AZGP1: variants seen among roughly 807,000 people sequenced by gnomAD.
AZGP1 encodes zinc-alpha-2-glycoprotein.
AZGP1 carries 28 observed loss-of-function variants against 31.5 expected under a neutral mutation model. That is an observed-to-expected ratio of 0.89 (90% CI 0.66 to 1.22). The LOEUF is 1.22. AZGP1 is among the 50% of genes most tolerant of loss of function. The pLI is 0.00. For synonymous variants in AZGP1, 135 were observed against 145.4 expected (o/e 0.93, Z 0.51); for missense variants, 361 against 371.8 (o/e 0.97, Z 0.24).
intron 1 of AZGP1, among the ~76,000 whole-genome samples, chr7:99,973,553 G>A (rs1324525091): frequency 6.6e-6 from 1 of 151,964 alleles, no homozygotes; most frequent in Admixed American, 6.6e-5. Context: ...TTGGGAGGGT[G>A]GTTAATGGGT....
At chr7:99,969,324 G>T (rs534232037) in intron 2 of AZGP1, among the ~76,000 whole-genome samples, 1 of 151,398 alleles carries the variant, frequency 6.6e-6, no homozygotes. Flanking sequence ...CAGGAGAATC[G>T]CTTGAACCTG....
At chr7:99,975,356 C>T (rs1161109563) in intron 1 of AZGP1, among the ~76,000 whole-genome samples, 1 of 152,152 alleles carries the variant, frequency 6.6e-6, no homozygotes, top group East Asian at 1.9e-4. Context: ...TGTCTTTATC[C>T]TGCACATTCT....
At chr7:99,969,088 A>G (rs1789540303) in intron 2 of AZGP1, among the ~76,000 whole-genome samples, 1 of 150,748 alleles carries the variant, frequency 6.6e-6, no homozygotes, top group East Asian at 2.0e-4. Context: ...AGCCTGGCCA[A>G]TATGGTGAAA....
chr7:99,975,809 T>C, intron 1 of AZGP1, 136 bp downstream of exon 1: 2 of 883,408 alleles, frequency 2.3e-6, no homozygotes, highest in Non-Finnish European at 3.7e-6. Flanking sequence ...GCTGAGGGAG[T>C]TGACAGCCTT....
At chr7:99,975,014 CT>C (rs1443913916) in intron 1 of AZGP1, among the ~76,000 whole-genome samples, 5 of 152,284 alleles carry the variant, frequency 3.3e-5, no homozygotes, top group Admixed American at 1.3e-4. Flanking sequence ...AGATTTAGGA[CT>C]TGTTACTCCT....
intron 1 of AZGP1, among the ~76,000 whole-genome samples, chr7:99,973,880 C>A: frequency 6.9e-6 from 1 of 143,986 alleles, no homozygotes. Context: ...TGCACCACTG[C>A]ATTCCAGCCT....
chr7:99,968,827 G>A, intron 2 of AZGP1: 3 of 222,352 alleles, frequency 1.3e-5, no homozygotes, highest in South Asian at 6.7e-5. Flanking sequence ...GCGCAGCATG[G>A]TGGTGCATGC....
intron 1 of AZGP1, 151 bp from the exon 2 acceptor site, chr7:99,972,157 T>G: frequency 1.2e-6 from 1 of 834,846 alleles, no homozygotes; most frequent in Non-Finnish European, 1.8e-6. Flanking sequence ...CTCACTCAAG[T>G]GAATATGCTC....
intron 2 of AZGP1, among the ~76,000 whole-genome samples, chr7:99,969,719 A>G (rs1354917022): frequency 6.6e-6 from 1 of 152,196 alleles, no homozygotes; most frequent in East Asian, 1.9e-4. Flanking sequence ...TCCAAATTGG[A>G]TAGAAATTAT....
At position 99,966,945 on chromosome 7, in the gene AZGP1, C is replaced by G. The variant is rs909829092; in HGVS notation, c.*58G>C. 7 of 1,574,576 alleles carry G rather than the reference C, an allele frequency of 4.4e-6. No homozygotes were observed. In the African/African-American group the frequency reaches 6.7e-5, roughly 15 times the overall value. ...GATTTCTGTGGTTCAGCTCCCACAT[C>G]AGGCAGGAAGGGCAGCTACTGGGTC... On this transcript the variant is annotated 3_prime_UTR_variant, in exon 4 of 4. Coordinates refer to ENST00000292401, the MANE Select transcript of AZGP1 (RefSeq NM_001185.4).
chr7:99,968,011 G>A (rs1789513128), intron 3 of AZGP1, 144 bp downstream of exon 3: 1 of 1,122,454 alleles, frequency 8.9e-7, no homozygotes, highest in South Asian at 1.4e-5. Flanking sequence ...TCCCAGGGAA[G>A]GAATAAATCC....
At chr7:99,971,062 A>ATGTG (rs1789569220) in intron 2 of AZGP1, among the ~76,000 whole-genome samples, 2 of 152,138 alleles carry the variant, frequency 1.3e-5, no homozygotes, top group Non-Finnish European at 2.9e-5. Flanking sequence ...AACAGCCCAC[A>ATGTG]GTTTTGAATC....
At chr7:99,974,164 G>T (rs1789621914) in intron 1 of AZGP1, among the ~76,000 whole-genome samples, 1 of 151,882 alleles carries the variant, frequency 6.6e-6, no homozygotes, top group Non-Finnish European at 1.5e-5. Context: ...CAAGATAATT[G>T]CTTGAACCCA....
chr7:99,975,391 T>G (rs1454319143), intron 1 of AZGP1, among the ~76,000 whole-genome samples: 1 of 152,152 alleles, frequency 6.6e-6, no homozygotes, highest in African/African-American at 2.4e-5. Flanking sequence ...CCTCCTTCCC[T>G]TATCCTAGGA....
rs866337175 is a variant in AZGP1, at chr7:99,968,962, C to A, written c.338-532G>T. On this transcript the variant is annotated intron_variant, in intron 2 of 3. Transcript: ENST00000292401. Reference sequence around the variant, plus strand: ...TGGGTGACAGAGTGAGACCCTATCTCAAAAAAAAAAAAAAAAAAAAAAAAA... The same window carrying A: ...TGGGTGACAGAGTGAGACCCTATCTAAAAAAAAAAAAAAAAAAAAAAAAAA... Among the ~76,000 whole-genome samples, 12 of 26,694 alleles carry A rather than the reference C, an allele frequency of 4.5e-4. 1 individual carries two copies. Among genetic ancestry groups the A allele is most frequent in the South Asian group, 3.5e-3 (1 of 286 alleles). The allele number at this position is 26,694 out of a possible 152,430, so 17.5% of individuals were successfully genotyped here. A position where few individuals can be genotyped will look rare whatever the true frequency, so the allele number is the denominator to read the frequency against.
At chr7:99,971,614 T>C in intron 2 of AZGP1, 132 bp downstream of exon 2, 2 of 1,175,542 alleles carry the variant, frequency 1.7e-6, no homozygotes, top group South Asian at 1.5e-5. Flanking sequence ...GACATGTCTG[T>C]GTTTCTGCTG....
chr7:99,967,302 G>C lies in AZGP1; in HGVS notation c.614-16C>G, dbSNP rs769561875. On this transcript the variant is annotated splice_polypyrimidine_tract_variant and intron_variant, in intron 3 of 3. Transcript: ENST00000292401. The stretch of plus-strand genomic sequence containing the variant: ...GAGGGAGGATCTGTGGAGGGATAGA[G>C]TGTGACACTGCAGGCTTGAGGTGGA... 6.2e-7 allele frequency: 1 copy of C among 1,608,194 alleles called. No homozygotes were observed. Among genetic ancestry groups the C allele is most frequent in the Non-Finnish European group, 8.5e-7 (1 of 1,177,096 alleles).
intron 3 of AZGP1, chr7:99,967,796 A>G: frequency 1.9e-6 from 1 of 531,376 alleles, no homozygotes; most frequent in Non-Finnish European, 3.3e-6. Context: ...TAGAGATAAA[A>G]AACGATGGGA....
Position 99,967,275 on chromosome 7 carries a change from C to G in AZGP1, c.625G>C (p.Val209Leu). Reference protein sequence around the residue: ...NILDRQDPPSVVVTSHQAPGE... With the variant: ...NILDRQDPPSLVVTSHQAPGE... Reference sequence around the variant, plus strand: ...GGGGCCTGGTGGCTGGTGACCACCACAGAGGGAGGATCTGTGGAGGGATAG... The same window carrying G: ...GGGGCCTGGTGGCTGGTGACCACCAGAGAGGGAGGATCTGTGGAGGGATAG... The change falls in exon 4 of 4, where the codon GTG becomes CTG. Residue 209 changes from valine (V) to leucine (L), a missense_variant. Coordinates refer to ENST00000292401, the MANE Select transcript of AZGP1 (RefSeq NM_001185.4). 1 of 1,612,086 alleles carries G rather than the reference C, an allele frequency of 6.2e-7. No individual in the cohort carries two copies. The highest frequency in any genetic ancestry group is 8.5e-7 in the Non-Finnish European group (1 of 1,179,286).
Sources: allele counts gnomAD v4.1 joint callset (sites outside exome capture counted in the v4.1 genomes callset), GRCh38; gene constraint gnomAD v4.1.1; transcripts MANE v1.5; gene names NCBI Gene and HGNC (gene_info 2026-07-23, HGNC 2026-07-21).